PKIA: variants seen among roughly 807,000 people sequenced by gnomAD.
PKIA encodes cAMP-dependent protein kinase inhibitor alpha, also known as PKI-alpha.
In PKIA, 4 loss-of-function variants were observed where a neutral mutation model predicts 7.6. The ratio of observed to expected loss-of-function variants is 0.52; its 90% CI spans 0.26 to 1.20. PKIA has a LOEUF of 1.20. Among genes scored for constraint, PKIA ranks in the 50% most tolerant of loss-of-function variants. The pLI, the probability that PKIA is intolerant of heterozygous loss-of-function variation, is 0.13. For missense variants in PKIA, 73 were observed against 86.2 expected (o/e 0.85, Z 0.61); for synonymous variants, 21 against 30.7 (o/e 0.68, Z 1.04).
At chr8:78,579,363 C>T (rs1257553636) in intron 2 of PKIA, among the ~76,000 whole-genome samples, 1 of 152,014 alleles carries the variant, frequency 6.6e-6, no homozygotes, top group Non-Finnish European at 1.5e-5. Context: ...ATTAAACTGC[C>T]TTCTTTGACC....
At chr8:78,580,105 T>G (rs1380283902) in intron 2 of PKIA, among the ~76,000 whole-genome samples, 1 of 152,040 alleles carries the variant, frequency 6.6e-6, no homozygotes, top group Non-Finnish European at 1.5e-5. Context: ...AGAAATGAAC[T>G]GTTAATCATT....
At chr8:78,598,303 A>G (rs1391047294) in intron 2 of PKIA, 55 bp from the exon 3 acceptor site, 7 of 1,078,662 alleles carry the variant, frequency 6.5e-6, no homozygotes, top group Non-Finnish European at 9.5e-6. Flanking sequence ...CGGTAGTTAA[A>G]TGTTTAGCAT....
At chr8:78,600,000 C>T (rs1226345475) in intron 3 of PKIA, among the ~76,000 whole-genome samples, 1 of 149,960 alleles carries the variant, frequency 6.7e-6, no homozygotes, top group East Asian at 1.9e-4. Flanking sequence ...AAAATAATTT[C>T]ATATGCATTA....
At chr8:78,571,564 T>C (rs1372020373) in intron 1 of PKIA, among the ~76,000 whole-genome samples, 1 of 152,156 alleles carries the variant, frequency 6.6e-6, no homozygotes, top group Non-Finnish European at 1.5e-5. Flanking sequence ...GGGATAACCC[T>C]GAGGAATGTT....
chr8:78,567,878 C>A (rs997368205), intron 1 of PKIA, among the ~76,000 whole-genome samples: 2 of 152,134 alleles, frequency 1.3e-5, no homozygotes, highest in African/African-American at 4.8e-5. Flanking sequence ...CCATTATGAA[C>A]TCTTTCAATT....
chr8:78,542,661 T>G (rs1806724463), intron 1 of PKIA, among the ~76,000 whole-genome samples: 1 of 152,124 alleles, frequency 6.6e-6, no homozygotes, highest in Non-Finnish European at 1.5e-5. Flanking sequence ...TCATTTTTCT[T>G]CCTATTAAAT....
chr8:78,567,579 T>C (rs1807447035), intron 1 of PKIA, among the ~76,000 whole-genome samples: 1 of 145,472 alleles, frequency 6.9e-6, no homozygotes, highest in African/African-American at 2.7e-5. Context: ...CTGGCTGAGA[T>C]AGTCGTCATC....
chr8:78,570,077 C>G (rs1286000588), intron 1 of PKIA, among the ~76,000 whole-genome samples: 1 of 152,084 alleles, frequency 6.6e-6, no homozygotes, highest in Non-Finnish European at 1.5e-5. Context: ...TCATCAAACT[C>G]CCAGAATGAA....
intron 1 of PKIA, among the ~76,000 whole-genome samples, chr8:78,566,099 A>G (rs953704061): frequency 9.9e-5 from 15 of 152,106 alleles, no homozygotes; most frequent in Non-Finnish European, 1.3e-4. Flanking sequence ...CTGAAAGCCC[A>G]CCTTAGGAGA....
chr8:78,593,456 AAG>A, intron 2 of PKIA, among the ~76,000 whole-genome samples: 1 of 152,142 alleles, frequency 6.6e-6, no homozygotes. Context: ...GAAAGAGACT[AAG>A]AGTGAAAATC....
intron 2 of PKIA, among the ~76,000 whole-genome samples, chr8:78,579,180 G>A (rs1036637983): frequency 6.6e-6 from 1 of 151,868 alleles, no homozygotes; most frequent in Non-Finnish European, 1.5e-5. Flanking sequence ...AGCCATCATT[G>A]CTTGCCTCAC....
At chr8:78,582,937 A>G (rs1807853770) in intron 2 of PKIA, among the ~76,000 whole-genome samples, 1 of 152,138 alleles carries the variant, frequency 6.6e-6, no homozygotes, top group South Asian at 2.1e-4. Context: ...AAGTTCAAAA[A>G]AATTCCTGTT....
intron 1 of PKIA, among the ~76,000 whole-genome samples, chr8:78,564,436 T>C (rs1585903001): frequency 6.6e-6 from 1 of 151,948 alleles, no homozygotes; most frequent in African/African-American, 2.4e-5. Flanking sequence ...TCAACTTTAA[T>C]AGTTATCAAA....
intron 1 of PKIA, among the ~76,000 whole-genome samples, chr8:78,538,167 T>C (rs1028670014): frequency 6.6e-6 from 1 of 152,038 alleles, no homozygotes; most frequent in East Asian, 1.9e-4. Context: ...TTCTCTCTGA[T>C]GGAAACTCAT....
At chr8:78,588,697 G>A (rs78318915) in intron 2 of PKIA, among the ~76,000 whole-genome samples, 5,688 of 152,140 alleles carry the variant, frequency 0.037, 124 homozygotes, top group Middle Eastern at 0.051. Context: ...TGAGAAAACA[G>A]TCCTCCTAAG....
chr8:78,552,343 AAAAG>A (rs1277970551), intron 1 of PKIA, among the ~76,000 whole-genome samples: 2 of 151,686 alleles, frequency 1.3e-5, no homozygotes, highest in African/African-American at 4.8e-5. Context: ...AAAAAAAAAA[AAAAG>A]GAAGTTGCAT....
chr8:78,572,630 A>C (rs1343489696), intron 1 of PKIA, among the ~76,000 whole-genome samples, 181 bp from the exon 2 acceptor site: 1 of 151,934 alleles, frequency 6.6e-6, no homozygotes, highest in Non-Finnish European at 1.5e-5. Context: ...TTGAAATCCC[A>C]AAATTCAACC....
chr8:78,573,079 G>A (rs562351795), intron 2 of PKIA, 140 bp downstream of exon 2: 1 of 152,152 alleles, frequency 6.6e-6, no homozygotes, highest in South Asian at 2.1e-4. Context: ...AGGTTGTGAT[G>A]TTTATCAGAC....
chr8:78,594,898 G>A (rs1808194024), intron 2 of PKIA, among the ~76,000 whole-genome samples: 2 of 152,224 alleles, frequency 1.3e-5, no homozygotes, highest in Non-Finnish European at 2.9e-5. Flanking sequence ...GGAAGATGCA[G>A]AGTCATCTCT....
Sources: allele counts gnomAD v4.1 joint callset (sites outside exome capture counted in the v4.1 genomes callset), GRCh38; gene constraint gnomAD v4.1.1; transcripts MANE v1.5; gene names NCBI Gene and HGNC (gene_info 2026-07-23, HGNC 2026-07-21).